The following CACNA1D variants were observed in gnomAD, a reference collection of about 807,000 sequenced individuals.
CACNA1D encodes the protein voltage-dependent L-type calcium channel subunit alpha-1D.
A neutral mutation model predicts 257.1 loss-of-function variants in CACNA1D; 55 were observed. The ratio of observed to expected loss-of-function variants is 0.21; its 90% confidence interval spans 0.17 to 0.27. The LOEUF is 0.27. Ranked by LOEUF, CACNA1D falls within the 10% of genes least tolerant of loss-of-function variation. The pLI is 1.00. For missense variants in CACNA1D, 1,876 were observed against 2,784.0 expected (o/e 0.67, Z 7.34); for synonymous variants, 980 against 1,014.9 (o/e 0.97, Z 0.65).
intron 3 of CACNA1D, among the ~76,000 whole-genome samples, chr3:53,605,844 C>T (rs1444098589): frequency 1.3e-5 from 2 of 152,154 alleles, no homozygotes; most frequent in Non-Finnish European, 2.9e-5. Context: ...GTGCTCAGAG[C>T]TGTGAGATGC....
At chr3:53,688,689 G>A (rs929638421) in intron 8 of CACNA1D, among the ~76,000 whole-genome samples, 4 of 152,172 alleles carry the variant, frequency 2.6e-5, no homozygotes, top group Admixed American at 6.5e-5. Context: ...GGCACTTGGC[G>A]CATTAGCCTG....
chr3:53,573,810 G>A (rs558203514), intron 3 of CACNA1D, among the ~76,000 whole-genome samples: 1 of 152,130 alleles, frequency 6.6e-6, no homozygotes, highest in South Asian at 2.1e-4. Flanking sequence ...GGCACATAGT[G>A]GGCTCTCCTT....
At chr3:53,527,206 A>G (rs2091797345) in intron 3 of CACNA1D, among the ~76,000 whole-genome samples, 2 of 152,374 alleles carry the variant, frequency 1.3e-5, no homozygotes, top group East Asian at 3.9e-4. Flanking sequence ...ACCCAAGGGC[A>G]TAGTGGCTGG....
rs557768262 is a variant in CACNA1D at position 53,636,286 on chromosome 3, C to G, written c.484-14493C>G. Among the ~76,000 whole-genome samples the G allele has an allele frequency of 2.6e-5, 4 of 152,090 alleles. No individual in the cohort carries two copies. The South Asian group carries it at 8.3e-4, about 32-fold the overall frequency. ...AAGCACACATAAATGTCATCTGAAA[C>G]ACGTTTGAAAAATATATGCGATTTA... On this transcript the variant is annotated intron_variant, in intron 3 of 47. Coordinates refer to ENST00000350061, the MANE Select transcript of CACNA1D (RefSeq NM_001128840.3).
chr3:53,791,816 G>GA (rs1327304971), intron 40 of CACNA1D: 11 of 152,338 alleles, frequency 7.2e-5, no homozygotes, highest in Admixed American at 6.5e-4. Context: ...TGCCTCTTTG[G>GA]AAGCAGTGTG....
intron 45 of CACNA1D, chr3:53,808,436 G>A: frequency 3.5e-6 from 2 of 574,732 alleles, no homozygotes; most frequent in East Asian, 6.1e-5. Flanking sequence ...AAAGTAGTAA[G>A]TTTGTACTTT....
rs530137392 is a variant in CACNA1D at position 53,664,197 on chromosome 3, C to G, written c.767-1463C>G. ...AGTCAGTCTCAACCTCCCCCTTCCC[C>G]TCCCACCTCCCTCATTCCTGGAGAA... On this transcript the variant is annotated intron_variant, in intron 5 of 47. Transcript: ENST00000350061. 2.4e-4 allele frequency among the ~76,000 whole-genome samples: 37 copies of G among 152,326 alleles called. No homozygotes were observed. The South Asian group carries it at 7.5e-3, about 31-fold the overall frequency.
chr3:53,516,508 TG>T (rs1372557617), intron 3 of CACNA1D, among the ~76,000 whole-genome samples: 2 of 152,100 alleles, frequency 1.3e-5, no homozygotes, highest in African/African-American at 2.4e-5. Context: ...GGAAGCCTGG[TG>T]GGGGCACTGG....
At chr3:53,693,513 A>G (rs576176000) in intron 8 of CACNA1D, among the ~76,000 whole-genome samples, 1 of 151,480 alleles carries the variant, frequency 6.6e-6, no homozygotes, top group South Asian at 2.1e-4. Flanking sequence ...CAGAAACTGA[A>G]CCTTTATGCT....
At chr3:53,701,082 G>A (rs1046285261) in intron 8 of CACNA1D, among the ~76,000 whole-genome samples, 3 of 151,580 alleles carry the variant, frequency 2.0e-5, no homozygotes, top group African/African-American at 4.9e-5. Flanking sequence ...TCAGCCCCTC[G>A]ACAGCCTAGA....
At chr3:53,703,134 G>T (rs3774529) in intron 9 of CACNA1D, among the ~76,000 whole-genome samples, 5,479 of 152,318 alleles carry the variant, frequency 0.036, 132 homozygotes, top group East Asian at 0.093. Context: ...ACATATTCTT[G>T]TACCACAGGA....
intron 5 of CACNA1D, among the ~76,000 whole-genome samples, chr3:53,664,680 G>T (rs556269221): frequency 3.7e-4 from 53 of 144,472 alleles, no homozygotes; most frequent in African/African-American, 1.3e-3. Flanking sequence ...TGGCCTTTGG[G>T]CTGTGCCCAG....
chr3:53,743,131 G>T lies in CACNA1D; in HGVS notation c.2918+14G>T. The stretch of plus-strand genomic sequence containing the variant: ...ATTTGGGATTCAGTAAGTATTCTGG[G>T]GTGTGTGCCCAGAATTGTTGGGCTG... On this transcript the variant is annotated intron_variant, in intron 22 of 47. Coordinates refer to ENST00000350061, the MANE Select transcript of CACNA1D (RefSeq NM_001128840.3). The T allele has an allele frequency of 6.6e-7, 1 of 1,520,098 alleles. No homozygotes were observed. The highest frequency in any genetic ancestry group is 1.1e-5 in the South Asian group (1 of 89,216). 94.2% of individuals were successfully genotyped at this position (1,520,098 alleles called of 1,614,324 possible).
chr3:53,710,924 T>C (rs939921988), intron 9 of CACNA1D, among the ~76,000 whole-genome samples: 2 of 152,188 alleles, frequency 1.3e-5, no homozygotes, highest in Non-Finnish European at 2.9e-5. Flanking sequence ...CCAAAGCTAG[T>C]AGTGGCAGCT....
At chr3:53,718,235 C>A in intron 9 of CACNA1D, 66 bp from the exon 10 acceptor site, 1 of 1,412,998 alleles carries the variant, frequency 7.1e-7, no homozygotes. Flanking sequence ...GAGGCTCCCA[C>A]CTGGCCTGCC....
chr3:53,704,294 C>G (rs958526669), intron 9 of CACNA1D, among the ~76,000 whole-genome samples: 2 of 152,100 alleles, frequency 1.3e-5, no homozygotes, highest in African/African-American at 4.8e-5. Flanking sequence ...ATCTCAGATG[C>G]CCTGGCTGGT....
At chr3:53,643,715 C>T (rs1485495503) in intron 3 of CACNA1D, among the ~76,000 whole-genome samples, 2 of 152,212 alleles carry the variant, frequency 1.3e-5, no homozygotes, top group East Asian at 1.9e-4. Context: ...AACCCCGTAC[C>T]GTGGCACCTG....
chr3:53,584,437 C>G (rs1236536755), intron 3 of CACNA1D, among the ~76,000 whole-genome samples: 1 of 152,170 alleles, frequency 6.6e-6, no homozygotes, highest in South Asian at 2.1e-4. Context: ...TTTATTTTAT[C>G]TAAAACCTGC....
intron 3 of CACNA1D, among the ~76,000 whole-genome samples, chr3:53,505,073 G>A (rs367587795): frequency 1.6e-4 from 24 of 150,232 alleles, no homozygotes; most frequent in African/African-American, 5.9e-4. Context: ...CCCTTATCTA[G>A]CAAAGTGCCT....
Sources: gnomAD v4.1 joint callset for allele counts (sites outside exome capture counted in the v4.1 genomes callset) on GRCh38, gnomAD v4.1.1 for gene constraint, MANE v1.5 for transcripts, NCBI Gene and HGNC (gene_info 2026-07-23, HGNC 2026-07-21) for gene names.